The following KIRREL3 variants were observed in gnomAD, a reference collection of about 807,000 sequenced individuals.
KIRREL3 encodes kin of IRRE-like protein 3.
In KIRREL3, 36 loss-of-function variants were observed where a neutral mutation model predicts 89.7. That is an observed-to-expected ratio of 0.40 (90% CI 0.31 to 0.53). The LOEUF is 0.53. Among genes scored for constraint, KIRREL3 ranks in the 20% least tolerant of loss-of-function variants. KIRREL3 has a pLI of 0.49. For missense variants in KIRREL3, 864 were observed against 1,056.6 expected, an observed-to-expected ratio of 0.82 and a Z score of 2.53; for synonymous variants, 445 against 441.4, an observed-to-expected ratio of 1.01 and a Z score of -0.10.
Position 126,904,848 on chromosome 11 carries a change from A to G in KIRREL3, c.55+95607T>C, listed in dbSNP as rs941034733. Among the ~76,000 whole-genome samples the G allele has an allele frequency of 6.6e-6, 1 of 152,236 alleles. No individual in the cohort carries two copies. Among genetic ancestry groups the G allele is most frequent in the Non-Finnish European group, 1.5e-5 (1 of 68,046 alleles). The stretch of plus-strand genomic sequence containing the variant: ...CTCAGAGACATTAAGATCCCAGAGA[A>G]GAGAAACTGTAAAAATGTTCTTTGA... On this transcript the variant is annotated intron_variant, in intron 1 of 16. Transcript: ENST00000525144. The surrounding 1 kb of genome is among the most constrained non-coding windows in gnomAD (Gnocchi z 4.4).
chr11:126,457,216 T>TATGTG (rs2134236391), intron 6 of KIRREL3, among the ~76,000 whole-genome samples: 1 of 150,714 alleles, frequency 6.6e-6, no homozygotes, highest in South Asian at 2.2e-4. Flanking sequence ...TGTGTATGTG[T>TATGTG]ATGTGTGTGT....
intron 1 of KIRREL3, among the ~76,000 whole-genome samples, chr11:126,866,774 C>T (rs746621528): frequency 3.3e-5 from 5 of 152,104 alleles, no homozygotes; most frequent in Non-Finnish European, 5.9e-5. Flanking sequence ...ATGACGCAGA[C>T]GCGAGGAGAA....
intron 1 of KIRREL3, among the ~76,000 whole-genome samples, chr11:126,967,364 C>A (rs528263473): frequency 6.6e-6 from 1 of 152,162 alleles, no homozygotes; most frequent in Non-Finnish European, 1.5e-5. Flanking sequence ...GCTAATGAGA[C>A]CAAAGTCAAC....
chr11:126,732,338 T>C (rs1948651542), intron 1 of KIRREL3, among the ~76,000 whole-genome samples: 1 of 152,244 alleles, frequency 6.6e-6, no homozygotes, highest in Non-Finnish European at 1.5e-5. Context: ...GATGCAGGAA[T>C]GGCCAGATTC....
rs917791029 is a variant in KIRREL3 at position 126,676,190 on chromosome 11, G to A, written c.56-113278C>T. ...GACTTCATTAGAGATTACAAGCAGGGGTGTCATCAGCATCAAGGTGCTAGT... is the reference window on the plus strand; with the variant it reads ...GACTTCATTAGAGATTACAAGCAGGAGTGTCATCAGCATCAAGGTGCTAGT... On this transcript the variant is annotated intron_variant, in intron 1 of 16. Coordinates refer to ENST00000525144, the MANE Select transcript of KIRREL3 (RefSeq NM_032531.4). This position sits in a 1 kb window ranked among gnomAD's most constrained non-coding sequence, Gnocchi z 4.5. 6.6e-6 allele frequency among the ~76,000 whole-genome samples: 1 copy of A among 152,118 alleles called. No homozygotes were observed. The highest frequency in any genetic ancestry group is 1.5e-5 in the Non-Finnish European group (1 of 68,044).
Position 126,610,942 on chromosome 11 carries a change from T to G in KIRREL3, c.56-48030A>C, listed in dbSNP as rs1433004208. The G allele has an allele frequency of 6.6e-6, 1 of 152,180 alleles. No individual in the cohort carries two copies. Among genetic ancestry groups the G allele is most frequent in the Admixed American group, 6.5e-5 (1 of 15,278 alleles). The allele number at this position is 152,180 out of a possible 1,614,324, so 9.4% of individuals were successfully genotyped here. A position where few individuals can be genotyped will look rare whatever the true frequency, so the allele number is the denominator to read the frequency against. ...CGGGCGGGGGTTTGAAGCTGGAACT[T>G]TTCAACATACATCTCCAAGCTTCAG... On this transcript the variant is annotated intron_variant, in intron 1 of 16. Coordinates refer to ENST00000525144, the MANE Select transcript of KIRREL3 (RefSeq NM_032531.4). The surrounding 1 kb of genome is among the most constrained non-coding windows in gnomAD (Gnocchi z 4.6).
chr11:126,823,922 G>C (rs1215282563), intron 1 of KIRREL3, among the ~76,000 whole-genome samples: 1 of 152,196 alleles, frequency 6.6e-6, no homozygotes, highest in African/African-American at 2.4e-5. Context: ...CAGGGACCAG[G>C]TGAAGAGCCA....
chr11:126,499,589 G>A (rs1445028802), intron 4 of KIRREL3, among the ~76,000 whole-genome samples: 1 of 152,198 alleles, frequency 6.6e-6, no homozygotes, highest in Non-Finnish European at 1.5e-5. Context: ...GCTGACATCC[G>A]ACTACACTTG....
At chr11:126,727,805 G>A (rs920895668) in intron 1 of KIRREL3, among the ~76,000 whole-genome samples, 3 of 152,218 alleles carry the variant, frequency 2.0e-5, no homozygotes, top group Non-Finnish European at 4.4e-5. Flanking sequence ...GACTTTCAGT[G>A]GGGGAATGAG....
chr11:126,729,336 G>C lies in KIRREL3; in HGVS notation c.56-166424C>G, dbSNP rs1439327563. On this transcript the variant is annotated intron_variant, in intron 1 of 16. Coordinates refer to ENST00000525144, the MANE Select transcript of KIRREL3 (RefSeq NM_032531.4). The surrounding 1 kb of genome is among the most constrained non-coding windows in gnomAD (Gnocchi z 4.5). The stretch of plus-strand genomic sequence containing the variant: ...GTAGTGCATGGATAAAATGTGGAAA[G>C]ATATAGAAGAAGAAACAGGAAGTGG... 1.3e-5 allele frequency among the ~76,000 whole-genome samples: 2 copies of C among 152,194 alleles called. No homozygotes were observed. Among genetic ancestry groups the C allele is most frequent in the East Asian group, 1.9e-4 (1 of 5,202 alleles).
At position 126,890,569 on chromosome 11, in the gene KIRREL3, C is replaced by T. The variant is rs1027782764; in HGVS notation, c.55+109886G>A. Among the ~76,000 whole-genome samples, 1 of 152,240 alleles carries T rather than the reference C, an allele frequency of 6.6e-6. No individual in the cohort carries two copies. The highest frequency in any genetic ancestry group is 1.5e-5 in the Non-Finnish European group (1 of 68,046). On this transcript the variant is annotated intron_variant, in intron 1 of 16. Coordinates refer to ENST00000525144, the MANE Select transcript of KIRREL3 (RefSeq NM_032531.4). The surrounding 1 kb of genome is among the most constrained non-coding windows in gnomAD (Gnocchi z 5.1). ...CAGTTTTCTGCTCCCTGGCTGTGGA[C>T]AGAAGGCACCTGGAGGGGTGCTGTG...
chr11:126,903,539 T>C lies in KIRREL3; in HGVS notation c.55+96916A>G, dbSNP rs1946455605. Reference sequence around the variant, plus strand: ...TTTCTCTAACCCTTTTCTCATTTCCTACTATTATCACATTTCTGGCCTTGA... The same window carrying C: ...TTTCTCTAACCCTTTTCTCATTTCCCACTATTATCACATTTCTGGCCTTGA... On this transcript the variant is annotated intron_variant, in intron 1 of 16. Coordinates refer to ENST00000525144, the MANE Select transcript of KIRREL3 (RefSeq NM_032531.4). The surrounding 1 kb of genome is among the most constrained non-coding windows in gnomAD (Gnocchi z 4.5). Among the ~76,000 whole-genome samples the C allele has an allele frequency of 6.6e-6, 1 of 152,234 alleles. No homozygotes were observed. The highest frequency in any genetic ancestry group is 1.5e-5 in the Non-Finnish European group (1 of 68,030).
rs117787008 is a variant in KIRREL3, at chr11:126,843,496, C to T, written c.55+156959G>A. Among the ~76,000 whole-genome samples the T allele has an allele frequency of 0.068, 10,290 of 152,178 alleles. 486 individuals carry two copies. The highest frequency in any genetic ancestry group is 0.14 in the Middle Eastern group (41 of 294). On this transcript the variant is annotated intron_variant, in intron 1 of 16. Transcript: ENST00000525144. The surrounding 1 kb of genome is among the most constrained non-coding windows in gnomAD (Gnocchi z 4.6). ...CAATTGTGATCTGCCCAGTCTCGTC[C>T]CACAGAGACTTCCAGCCTAGTCAGC...
rs1208798974 is a variant in KIRREL3 at position 126,557,324 on chromosome 11, A to G, written c.133+5511T>C. On this transcript the variant is annotated intron_variant, in intron 2 of 16. Coordinates refer to ENST00000525144, the MANE Select transcript of KIRREL3 (RefSeq NM_032531.4). This position sits in a 1 kb window ranked among gnomAD's most constrained non-coding sequence, Gnocchi z 5.6. ...CCTTCAGAGGCTGCCAAGGAAAGCC[A>G]GTCTATTGACTTTTTTGTACTGGTT... is the stretch of plus-strand genomic sequence containing the variant. Among the ~76,000 whole-genome samples, 4 of 152,244 alleles carry G rather than the reference A, an allele frequency of 2.6e-5. No individual in the cohort carries two copies. Among genetic ancestry groups the G allele is most frequent in the Admixed American group, 2.0e-4 (3 of 15,292 alleles).
chr11:126,917,113 T>A lies in KIRREL3; in HGVS notation c.55+83342A>T, dbSNP rs1352127648. 1.3e-5 allele frequency among the ~76,000 whole-genome samples: 2 copies of A among 152,224 alleles called. No homozygotes were observed. The highest frequency in any genetic ancestry group is 4.8e-5 in the African/African-American group (2 of 41,464). On this transcript the variant is annotated intron_variant, in intron 1 of 16. Coordinates refer to ENST00000525144, the MANE Select transcript of KIRREL3 (RefSeq NM_032531.4). This position sits in a 1 kb window ranked among gnomAD's most constrained non-coding sequence, Gnocchi z 5.0. ...GATATAGTCACACAATGGAATATCA[T>A]TCAGCCATAAAAAGGAATAACATTC...
intron 1 of KIRREL3, among the ~76,000 whole-genome samples, chr11:126,885,567 C>G (rs571972355): frequency 6.6e-6 from 1 of 152,160 alleles, no homozygotes; most frequent in East Asian, 1.9e-4. Flanking sequence ...TCAACCTCAT[C>G]ATCGTTATCA....
In KIRREL3 at chr11:126,981,441, T is replaced by G. The variant is rs1383901460; in HGVS notation, c.55+19014A>C. Among the ~76,000 whole-genome samples the G allele has an allele frequency of 6.6e-6, 1 of 152,174 alleles. No homozygotes were observed. The highest frequency in any genetic ancestry group is 2.4e-5 in the African/African-American group (1 of 41,424). ...AGGAAAATGCTCAGGAGGTGTTATA[T>G]GTGGTGTAGCTTAGGATTCCAGGCA... On this transcript the variant is annotated intron_variant, in intron 1 of 16. Coordinates refer to ENST00000525144, the MANE Select transcript of KIRREL3 (RefSeq NM_032531.4). This position sits in a 1 kb window ranked among gnomAD's most constrained non-coding sequence, Gnocchi z 4.2.
rs886190416 is a variant in KIRREL3, at chr11:126,652,860, C to A, written c.56-89948G>T. The A allele has an allele frequency of 1.6e-4, 24 of 152,290 alleles. No homozygotes were observed. Among genetic ancestry groups the A allele is most frequent in the African/African-American group, 5.8e-4 (24 of 41,548 alleles). 9.4% of individuals were successfully genotyped at this position (152,290 alleles called of 1,614,324 possible). A position where few individuals can be genotyped will look rare whatever the true frequency, so the allele number is the denominator to read the frequency against. The stretch of plus-strand genomic sequence containing the variant: ...GAACCAACAACAAAAGGACCAGCCA[C>A]CTCACTGGTCCTCTGTTGCCAGTAG... On this transcript the variant is annotated intron_variant, in intron 1 of 16. Coordinates refer to ENST00000525144, the MANE Select transcript of KIRREL3 (RefSeq NM_032531.4). This position sits in a 1 kb window ranked among gnomAD's most constrained non-coding sequence, Gnocchi z 4.9.
At chr11:126,538,025 A>C (rs1178284263) in intron 2 of KIRREL3, among the ~76,000 whole-genome samples, 1 of 150,602 alleles carries the variant, frequency 6.6e-6, no homozygotes, top group Admixed American at 6.6e-5. Context: ...TGGGACTGTT[A>C]AAACAGGGGC....
Sources: allele counts gnomAD v4.1 joint callset (sites outside exome capture counted in the v4.1 genomes callset), GRCh38; gene constraint gnomAD v4.1.1; non-coding constraint Gnocchi (gnomAD v3.1); transcripts MANE v1.5; gene names NCBI Gene and HGNC (gene_info 2026-07-23, HGNC 2026-07-21).